RBM41: variants seen among roughly 807,000 people sequenced by gnomAD.
The protein encoded by RBM41 is RNA-binding protein 41.
RBM41 carries 14 observed loss-of-function variants against 30.8 expected under a neutral mutation model. That is an observed-to-expected ratio of 0.45 (90% CI 0.30 to 0.71). RBM41 has a LOEUF of 0.71. RBM41 is among the 30% of genes least tolerant of loss of function. The probability of loss-of-function intolerance (pLI) is 0.08; values close to 1 mark genes in which losing one functional copy is unlikely to be tolerated. For missense variants in RBM41, 276 were observed against 326.3 expected (o/e 0.85, Z 1.19); for synonymous variants, 120 against 110.1 (o/e 1.09, Z -0.56).
chrX:107,085,563 G>T (rs990993570), intron 6 of RBM41, among the ~76,000 whole-genome samples: 1 of 111,253 alleles, frequency 9.0e-6, no homozygotes, highest in Non-Finnish European at 1.9e-5. Context: ...TTATTGTTTC[G>T]TATGTTCACC....
chrX:107,116,039 T>C lies in RBM41; in HGVS notation c.141A>G (p.Lys47=). 1 of 1,173,307 alleles carries C rather than the reference T, an allele frequency of 8.5e-7. No homozygotes were observed. Among genetic ancestry groups the C allele is most frequent in the Non-Finnish European group, 1.1e-6 (1 of 874,654 alleles). Residue 47 remains lysine (K), a synonymous_variant, in exon 3 of 8, where the codon AAA becomes AAG. Transcript: ENST00000685964. The stretch of plus-strand genomic sequence containing the variant: ...ACATAGTACCAGGAGCAAAGCTCTC[T>C]TTCTTAGACATACATCTGCAAAACA... ...SVSIEECMSK[K]ESFAPGTMYK...
chrX:107,086,377 A>G (rs1196562831), intron 6 of RBM41, among the ~76,000 whole-genome samples: 1 of 110,925 alleles, frequency 9.0e-6, no homozygotes, highest in Non-Finnish European at 1.9e-5. Flanking sequence ...GCCCCACTCC[A>G]GATCTACTGA....
rs761146141 is a variant in RBM41, at chrX:107,088,041, G to A, written c.999+395C>T. Among the ~76,000 whole-genome samples the A allele has an allele frequency of 3.6e-5, 4 of 112,131 alleles. No homozygotes were observed. In the East Asian group the frequency reaches 8.5e-4, roughly 24 times the overall value. ...ATGTGGTAGCATATACCCAACTCACGACCAGGCAGTCAATTATTGGCTAAT... is the reference window on the plus strand; with the variant it reads ...ATGTGGTAGCATATACCCAACTCACAACCAGGCAGTCAATTATTGGCTAAT... On this transcript the variant is annotated intron_variant, in intron 6 of 7. Transcript: ENST00000685964.
In RBM41 at chrX:107,116,736, A is replaced by ATGC. The variant is rs1178224975; in HGVS notation, c.36_38dup (p.Glu12_His13insGln). 5 of 1,209,294 alleles carry ATGC rather than the reference A, an allele frequency of 4.1e-6. No homozygotes were observed. Among genetic ancestry groups the ATGC allele is most frequent in the Non-Finnish European group, 5.6e-6 (5 of 895,140 alleles). On this transcript the variant is annotated inframe_insertion, in exon 2 of 8. Coordinates refer to ENST00000685964, the MANE Select transcript of RBM41 (RefSeq NM_001324242.2). ...CTTCTGTTTCCAGCTCCTCCAGGAC[A>ATGC]TGCTCATCACTCTTCACACAGCTGT...
chrX:107,077,734 T>C (rs777686006), intron 6 of RBM41, among the ~76,000 whole-genome samples: 43 of 111,726 alleles, frequency 3.8e-4, no homozygotes, highest in Non-Finnish European at 6.4e-4. Context: ...TTATTTTACA[T>C]GTTTTCAACT....
intron 5 of RBM41, among the ~76,000 whole-genome samples, chrX:107,099,876 T>C (rs1330329716): frequency 8.9e-6 from 1 of 112,181 alleles, no homozygotes; most frequent in Admixed American, 9.4e-5. Context: ...GAGTGATCAT[T>C]ATACTGTGAT....
In RBM41 at chrX:107,067,431, T is replaced by C; in HGVS notation, c.*96A>G. On this transcript the variant is annotated 3_prime_UTR_variant, in exon 8 of 8. Transcript: ENST00000685964. Reference sequence around the variant, plus strand: ...TTCCCCTCCCTCAGTTAGTTTTTCCTCTTCAACTCCAAACAAACTGGTGTC... The same window carrying C: ...TTCCCCTCCCTCAGTTAGTTTTTCCCCTTCAACTCCAAACAAACTGGTGTC... 1.0e-5 allele frequency: 11 copies of C among 1,098,438 alleles called. No homozygotes were observed. The highest frequency in any genetic ancestry group is 1.3e-5 in the Non-Finnish European group (11 of 840,444). The allele number at this position is 1,098,438 out of a possible 1,213,427, so 90.5% of individuals were successfully genotyped here. A position where few individuals can be genotyped will look rare whatever the true frequency, so the allele number is the denominator to read the frequency against.
chrX:107,067,452 G>T lies in RBM41; in HGVS notation c.*75C>A. On this transcript the variant is annotated 3_prime_UTR_variant, in exon 8 of 8. Coordinates refer to ENST00000685964, the MANE Select transcript of RBM41 (RefSeq NM_001324242.2). ...TTCCTCTTCAACTCCAAACAAACTGGTGTCTATACATAAATCCTAGATCCA... is the reference window on the plus strand; with the variant it reads ...TTCCTCTTCAACTCCAAACAAACTGTTGTCTATACATAAATCCTAGATCCA... The T allele has an allele frequency of 4.5e-6, 5 of 1,103,155 alleles. No homozygotes were observed. The highest frequency in any genetic ancestry group is 1.8e-5 in the African/African-American group (1 of 54,462). 90.9% of individuals were successfully genotyped at this position (1,103,155 alleles called of 1,213,427 possible).
chrX:107,068,092 G>A (rs1935910699), intron 7 of RBM41, among the ~76,000 whole-genome samples: 1 of 111,239 alleles, frequency 9.0e-6, no homozygotes, highest in South Asian at 3.8e-4. Context: ...TGTTATCAAG[G>A]GCACTTTGCC....
intron 5 of RBM41, among the ~76,000 whole-genome samples, chrX:107,102,376 T>G (rs373406494): frequency 2.7e-5 from 3 of 111,495 alleles, no homozygotes; most frequent in East Asian, 5.6e-4. Context: ...CACTTGATGA[T>G]TGGGAAAATT....
At chrX:107,090,803 A>T (rs919569809) in intron 5 of RBM41, among the ~76,000 whole-genome samples, 47 of 109,889 alleles carry the variant, frequency 4.3e-4, no homozygotes, top group African/African-American at 6.7e-4. Flanking sequence ...ATTTTTTTTT[A>T]AATTTTACTT....
At chrX:107,092,630 T>C (rs1922645793) in intron 5 of RBM41, among the ~76,000 whole-genome samples, 1 of 111,563 alleles carries the variant, frequency 9.0e-6, no homozygotes, top group South Asian at 3.8e-4. Flanking sequence ...TCAGCCACAT[T>C]AGAATTCAGG....
chrX:107,096,082 TA>T (rs1463346511), intron 5 of RBM41, among the ~76,000 whole-genome samples: 1 of 111,857 alleles, frequency 8.9e-6, no homozygotes, highest in Non-Finnish European at 1.9e-5. Context: ...AAATGTAACT[TA>T]AAAACTACAA....
At chrX:107,061,100 A>G (rs769944660), downstream of RBM41, among the ~76,000 whole-genome samples, 16 of 111,709 alleles carry the variant, frequency 1.4e-4, no homozygotes, top group African/African-American at 5.2e-4. Context: ...ACTGTCACAA[A>G]TAGGAACAGA....
downstream of RBM41, among the ~76,000 whole-genome samples, chrX:107,059,046 G>A (rs1935606494): frequency 9.0e-6 from 1 of 111,409 alleles, no homozygotes. Flanking sequence ...ATTCTTGAAG[G>A]TAGTGACTCA....
chrX:107,117,896 G>A (rs1925010854), intron 1 of RBM41, among the ~76,000 whole-genome samples: 1 of 111,215 alleles, frequency 9.0e-6, no homozygotes, highest in African/African-American at 3.3e-5. Context: ...TATTCTTTAA[G>A]CTGTATATAT....
chrX:107,100,014 G>A (rs1923314739), intron 5 of RBM41, among the ~76,000 whole-genome samples: 1 of 112,264 alleles, frequency 8.9e-6, no homozygotes, highest in Non-Finnish European at 1.9e-5. Context: ...ACACTCATAT[G>A]GAGGAAGAGA....
At chrX:107,111,385 T>C (rs891291331) in intron 5 of RBM41, among the ~76,000 whole-genome samples, 1 of 110,737 alleles carries the variant, frequency 9.0e-6, no homozygotes, top group Admixed American at 9.6e-5. Flanking sequence ...TTTAAGAAAA[T>C]AGTAAGTGTT....
At chrX:107,114,719 T>A (rs1370283067) in intron 4 of RBM41, 1 of 111,888 alleles carries the variant, frequency 8.9e-6, no homozygotes, top group Non-Finnish European at 1.9e-5. Context: ...CCAACCAGAC[T>A]ATACTTGGCA....
Sources: allele counts gnomAD v4.1 joint callset (sites outside exome capture counted in the v4.1 genomes callset), GRCh38; gene constraint gnomAD v4.1.1; transcripts MANE v1.5; gene names NCBI Gene and HGNC (gene_info 2026-07-23, HGNC 2026-07-21).